Variants in CLTCL1 observed in about 807,000 individuals in gnomAD.
The protein encoded by CLTCL1 is clathrin heavy chain 2.
In CLTCL1, 159 loss-of-function variants were observed where a neutral mutation model predicts 190.0. The observed-to-expected ratio is 0.84, with a 90% CI of 0.74 to 0.95. The LOEUF (loss-of-function observed/expected upper bound fraction) is 0.95, where lower values mean the gene tolerates loss of function less well. Among genes scored for constraint, CLTCL1 ranks in the 40% least tolerant of loss-of-function variants. The pLI, the probability that CLTCL1 is intolerant of heterozygous loss-of-function variation, is 0.00. For missense variants in CLTCL1, 1,878 were observed against 2,033.4 expected (o/e 0.92, Z 1.47); for synonymous variants, 752 against 769.6 (o/e 0.98, Z 0.38).
At chr22:19,189,361 C>CA (rs1457177172) in intron 27 of CLTCL1, among the ~76,000 whole-genome samples, 1 of 152,224 alleles carries the variant, frequency 6.6e-6, no homozygotes, top group Non-Finnish European at 1.5e-5. Flanking sequence ...GCACTGTACT[C>CA]ACAGTAGAAC....
At chr22:19,232,300 C>A (rs1057152019) in intron 10 of CLTCL1, among the ~76,000 whole-genome samples, 176 bp downstream of exon 10, 12 of 152,138 alleles carry the variant, frequency 7.9e-5, no homozygotes, top group African/African-American at 2.9e-4. Flanking sequence ...GCAATGAGTA[C>A]TCACATAGTA....
intron 23 of CLTCL1, 151 bp downstream of exon 23, chr22:19,201,178 A>T: frequency 1.1e-6 from 1 of 929,136 alleles, no homozygotes; most frequent in Non-Finnish European, 1.5e-6. Flanking sequence ...CCAACTACAA[A>T]CACTAGCCTA....
chr22:19,262,598 C>T (rs571733713), intron 2 of CLTCL1, among the ~76,000 whole-genome samples: 5 of 148,488 alleles, frequency 3.4e-5, no homozygotes, highest in Non-Finnish European at 5.9e-5. Context: ...CACTACTGCA[C>T]TCCAGCCTGG....
At chr22:19,180,849 G>A (rs2084112552) in intron 30 of CLTCL1, 43 bp from the exon 31 acceptor site, 1 of 1,573,522 alleles carries the variant, frequency 6.4e-7, no homozygotes, top group African/African-American at 1.3e-5. Flanking sequence ...TTGACAGAGT[G>A]CAGTCCGGCC....
intron 10 of CLTCL1, among the ~76,000 whole-genome samples, chr22:19,230,855 G>A (rs12159806): frequency 6.6e-6 from 1 of 152,190 alleles, no homozygotes; most frequent in Non-Finnish European, 1.5e-5. Context: ...TGGCATGTGA[G>A]TTGGGGGAAC....
chr22:19,191,335 T>C lies in CLTCL1; in HGVS notation c.4292A>G (p.Asp1431Gly). The change falls in exon 27 of 33, where the codon GAC (aspartate) becomes GGC (glycine). Residue 1431 changes from aspartate (D) to glycine (G), a missense_variant. Coordinates refer to ENST00000427926, the MANE Select transcript of CLTCL1 (RefSeq NM_007098.4). ...DLLLVLSPRL[D>G]HTWTVSFFSK... The stretch of plus-strand genomic sequence containing the variant: ...AAAGAAACTGACTGTCCAGGTGTGG[T>C]CCAGCCGGGGTGAAAGCACCAGCAG... The C allele has an allele frequency of 6.2e-7, 1 of 1,614,016 alleles. No individual in the cohort carries two copies. Among genetic ancestry groups the C allele is most frequent in the Non-Finnish European group, 8.5e-7 (1 of 1,179,888 alleles).
intron 6 of CLTCL1, 61 bp downstream of exon 6, chr22:19,235,635 G>T: frequency 6.6e-7 from 1 of 1,520,024 alleles, no homozygotes. Context: ...AAGGGGGAAA[G>T]TTTAAACGCC....
chr22:19,218,209 T>G (rs1555950619), intron 18 of CLTCL1, among the ~76,000 whole-genome samples: 1 of 152,144 alleles, frequency 6.6e-6, no homozygotes, highest in Non-Finnish European at 1.5e-5. Context: ...TATGGTGCAG[T>G]GTTAAAGTGG....
At chr22:19,227,361 C>T (rs986684893) in intron 11 of CLTCL1, among the ~76,000 whole-genome samples, 3 of 149,024 alleles carry the variant, frequency 2.0e-5, no homozygotes, top group Non-Finnish European at 4.4e-5. Context: ...CGGCTCACTG[C>T]TGCTTTGACC....
At chr22:19,279,440 G>A (rs1166411075) in intron 1 of CLTCL1, among the ~76,000 whole-genome samples, 14 of 152,212 alleles carry the variant, frequency 9.2e-5, no homozygotes, top group African/African-American at 2.9e-4. Context: ...ACAGAGGACA[G>A]TGGGATTCCA....
chr22:19,258,012 T>C, intron 2 of CLTCL1: 1 of 542,936 alleles, frequency 1.8e-6, no homozygotes, highest in South Asian at 1.4e-5. Context: ...GCTGCTGACT[T>C]TAGAGTCAAG....
intron 2 of CLTCL1, among the ~76,000 whole-genome samples, chr22:19,270,945 T>A (rs367799863): frequency 1.3e-5 from 2 of 151,846 alleles, no homozygotes; most frequent in South Asian, 2.1e-4. Flanking sequence ...CTGGTTTAAA[T>A]GAACATGTGT....
chr22:19,222,353 C>T (rs1222045028), intron 15 of CLTCL1, among the ~76,000 whole-genome samples: 2 of 152,192 alleles, frequency 1.3e-5, no homozygotes, highest in African/African-American at 4.8e-5. Flanking sequence ...GAGGAAGAGA[C>T]ACCAGGAGTG....
chr22:19,213,744 C>T (rs1415952516), intron 19 of CLTCL1, among the ~76,000 whole-genome samples: 4 of 151,636 alleles, frequency 2.6e-5, no homozygotes, highest in East Asian at 3.9e-4. Context: ...ACTAGTGTGG[C>T]GGGGTGGTAG....
At chr22:19,233,348 T>C in intron 8 of CLTCL1, 30 bp from the exon 9 acceptor site, 2 of 1,610,468 alleles carry the variant, frequency 1.2e-6, no homozygotes, top group East Asian at 2.2e-5. Context: ...AAGGCAAAGT[T>C]AGGAGGCAGG....
At chr22:19,208,812 T>C (rs2085129651) in intron 21 of CLTCL1, 110 bp downstream of exon 21, 4 of 904,058 alleles carry the variant, frequency 4.4e-6, no homozygotes, top group Non-Finnish European at 6.6e-6. Flanking sequence ...CCCTCTGATA[T>C]CTCTGGATAC....
intron 5 of CLTCL1, 78 bp from the exon 6 acceptor site, chr22:19,235,947 A>T: frequency 8.0e-7 from 1 of 1,254,822 alleles, no homozygotes; most frequent in East Asian, 2.4e-5. Flanking sequence ...ACAAATGATA[A>T]AGAGGATTCT....
chr22:19,234,056 C>G (rs2145878767), intron 7 of CLTCL1, among the ~76,000 whole-genome samples: 1 of 152,298 alleles, frequency 6.6e-6, no homozygotes, highest in Admixed American at 6.5e-5. Context: ...GATCCAGTCT[C>G]TGAACAATTT....
chr22:19,212,487 G>C (rs528994000), intron 19 of CLTCL1, among the ~76,000 whole-genome samples: 2 of 151,916 alleles, frequency 1.3e-5, no homozygotes, highest in Admixed American at 6.6e-5. Context: ...CTTCAGCCTA[G>C]GAGGTTGGGG....
Sources: allele counts gnomAD v4.1 joint callset (sites outside exome capture counted in the v4.1 genomes callset), GRCh38; gene constraint gnomAD v4.1.1; transcripts MANE v1.5; gene names NCBI Gene and HGNC (gene_info 2026-07-23, HGNC 2026-07-21).